GPR37L1: variants seen among roughly 807,000 people sequenced by gnomAD.
The protein encoded by GPR37L1 is G protein-coupled receptor 37 like 1.
In GPR37L1, 18 loss-of-function variants were observed where a neutral mutation model predicts 18.0. That is an observed-to-expected ratio of 1.00 (90% CI 0.69 to 1.49). The LOEUF (loss-of-function observed/expected upper bound fraction) is 1.49. GPR37L1 is among the 40% of genes most tolerant of loss of function. The pLI, the probability that GPR37L1 is intolerant of heterozygous loss-of-function variation, is 0.00. For synonymous variants in GPR37L1, 256 were observed against 273.9 expected (o/e 0.93, Z 0.65); for missense variants, 558 against 615.1 (o/e 0.91, Z 0.98).
chr1:202,124,774 G>C (rs1183069661), intron 1 of GPR37L1, among the ~76,000 whole-genome samples: 1 of 152,160 alleles, frequency 6.6e-6, no homozygotes, highest in Non-Finnish European at 1.5e-5. Context: ...GTCATAGTTG[G>C]ACAGACTCCC....
Position 202,130,559 on chromosome 1 carries a change from C to A in GPR37L1, c.*2003C>A, listed in dbSNP as rs932662752. ...GTTGCTAGGTGATGGCGCCGCCATG[C>A]ACACACCCTTTGTGCTGGGGAGTGA... On this transcript the variant is annotated 3_prime_UTR_variant, in exon 2 of 2. Coordinates refer to ENST00000367282, the MANE Select transcript of GPR37L1 (RefSeq NM_004767.5). 6.6e-6 allele frequency: 1 copy of A among 152,320 alleles called. No individual in the cohort carries two copies. The highest frequency in any genetic ancestry group is 1.5e-5 in the Non-Finnish European group (1 of 68,128). The allele number at this position is 152,320 out of a possible 1,614,324, so 9.4% of individuals were successfully genotyped here.
chr1:202,128,506 C>G lies in GPR37L1; in HGVS notation c.1396C>G (p.His466Asp). Residue 466 changes from histidine (H) to aspartate (D), a missense_variant, in exon 2 of 2, where the codon CAC (histidine) becomes GAC (aspartate). Transcript: ENST00000367282. Reference protein sequence around the residue: ...KTEVSSSIYFHKPRESPPLLP... With the variant: ...KTEVSSSIYFDKPRESPPLLP... ...CGAGGTGTCCTCTTCCATCTACTTC[C>G]ACAAGCCCAGGGAGTCACCCCCACT... 1 of 1,602,660 alleles carries G rather than the reference C, an allele frequency of 6.2e-7. No individual in the cohort carries two copies.
rs58530258 is a variant in GPR37L1 at position 202,133,036 on chromosome 1, C to A, written c.*4480C>A. On this transcript the variant is annotated 3_prime_UTR_variant, in exon 2 of 2. Transcript: ENST00000367282. ...AGGGCCTGGGAAAGAGGGGCTGAGG[C>A]CTGAACTGGGCCTAAGGAGAGTGCA... The A allele has an allele frequency of 0.015, 2,321 of 152,660 alleles. 63 individuals carry two copies. Among genetic ancestry groups the A allele is most frequent in the African/African-American group, 0.053 (2,206 of 41,552 alleles). The allele number at this position is 152,660 out of a possible 1,614,324, so 9.5% of individuals were successfully genotyped here.
intron 1 of GPR37L1, among the ~76,000 whole-genome samples, chr1:202,125,321 GA>G: frequency 1.3e-5 from 2 of 152,218 alleles, no homozygotes; most frequent in Middle Eastern, 6.8e-3. Context: ...CTAGCTGTGT[GA>G]TTTGGTAGAT....
chr1:202,126,955 A>G (rs947513223), intron 1 of GPR37L1, among the ~76,000 whole-genome samples: 1 of 152,170 alleles, frequency 6.6e-6, no homozygotes, highest in Non-Finnish European at 1.5e-5. Context: ...GCAAAGATCC[A>G]GAACTTCTAT....
At position 202,132,182 on chromosome 1, in the gene GPR37L1, A is replaced by G. The variant is rs1321002917; in HGVS notation, c.*3626A>G. The G allele has an allele frequency of 6.6e-6, 1 of 152,222 alleles. No homozygotes were observed. Among genetic ancestry groups the G allele is most frequent in the Non-Finnish European group, 1.5e-5 (1 of 68,040 alleles). 9.4% of individuals were successfully genotyped at this position (152,222 alleles called of 1,614,324 possible). A position where few individuals can be genotyped will look rare whatever the true frequency, so the allele number is the denominator to read the frequency against. On this transcript the variant is annotated 3_prime_UTR_variant, in exon 2 of 2. Transcript: ENST00000367282. ...ATCTGAGAAAGGCACCTTGGCCTGG[A>G]AACAGCCCCAGATGAGTGAGATTGC...
intron 1 of GPR37L1, 31 bp from the exon 2 acceptor site, chr1:202,127,710 G>T (rs746181560): frequency 1.4e-6 from 2 of 1,464,274 alleles, no homozygotes; most frequent in Non-Finnish European, 1.9e-6. Context: ...TTGACCAAGT[G>T]CTTCTCTCTT....
In GPR37L1 at chr1:202,127,838, A is replaced by G. The variant is rs1234390465; in HGVS notation, c.728A>G (p.Glu243Gly). The G allele has an allele frequency of 1.2e-6, 2 of 1,613,786 alleles. No individual in the cohort carries two copies. Among genetic ancestry groups the G allele is most frequent in the East Asian group, 2.2e-5 (1 of 44,844 alleles). The change falls in exon 2 of 2, where the codon GAG becomes GGG. Residue 243 changes from glutamate (E) to glycine (G), a missense_variant. Transcript: ENST00000367282. ...TSTLPKVRPI[E>G]RCQSILAKLA... ...ACCCTGCCCAAGGTGAGGCCCATCG[A>G]GCGGTGCCAATCCATCCTGGCCAAG...
In GPR37L1 at chr1:202,122,926, T is replaced by C; in HGVS notation, c.-38T>C. On this transcript the variant is annotated 5_prime_UTR_variant, in exon 1 of 2. Coordinates refer to ENST00000367282, the MANE Select transcript of GPR37L1 (RefSeq NM_004767.5). ...AGCTCTTGGGCCCCCTGCACTCACC[T>C]GCTCTTCCTGGGCTGGCTGTCTCCT... 1 of 1,609,352 alleles carries C rather than the reference T, an allele frequency of 6.2e-7. No individual in the cohort carries two copies. The highest frequency in any genetic ancestry group is 8.5e-7 in the Non-Finnish European group (1 of 1,178,954).
At position 202,123,573 on chromosome 1, in the gene GPR37L1, C is replaced by T. The variant is rs373102358; in HGVS notation, c.610C>T (p.Arg204Cys). 1.4e-5 allele frequency: 23 copies of T among 1,592,054 alleles called. No homozygotes were observed. The highest frequency in any genetic ancestry group is 1.7e-4 in the Middle Eastern group (1 of 5,982). The change falls in exon 1 of 2, where the codon CGT becomes TGT. Residue 204 changes from arginine (R) to cysteine (C), a missense_variant. Physicochemically the swap from Arg to Cys is radical, Grantham distance 180. Transcript: ENST00000367282. ...GAGGCTACTGGGTGACGTTTCTTGT[C>T]GTGCCGTGCCCTTCATGGAGGTGAG... The part of the protein sequence containing the change: ...KQRLLGDVSC[R>C]AVPFMEVSSL...
At chr1:202,127,480 A>AT (rs1191345933) in intron 1 of GPR37L1, among the ~76,000 whole-genome samples, 3 of 151,826 alleles carry the variant, frequency 2.0e-5, no homozygotes, top group Admixed American at 6.6e-5. Context: ...ACGACAGGCT[A>AT]TTTTTTTGTA....
intron 1 of GPR37L1, among the ~76,000 whole-genome samples, chr1:202,124,801 G>T (rs1175749239): frequency 6.6e-6 from 1 of 152,166 alleles, no homozygotes; most frequent in East Asian, 1.9e-4. Flanking sequence ...TCAGCAGTGG[G>T]TACAGTCCTT....
Position 202,127,745 on chromosome 1 carries a change from C to G in GPR37L1, c.635C>G (p.Ser212Cys), listed in dbSNP as rs1287757644. The stretch of plus-strand genomic sequence containing the variant: ...TCCCTCACATCCTGCCCACAGGTCT[C>G]CTCTCTGGGAGTCACGACTTTCAGC... The part of the protein sequence containing the change: ...SCRAVPFMEV[S>C]SLGVTTFSLC... The change falls in exon 2 of 2, where the codon TCC becomes TGC. Residue 212 changes from serine (S) to cysteine (C), a missense_variant. By Grantham distance (112) the Ser-to-Cys change is moderately radical (BLOSUM62 -1). Coordinates refer to ENST00000367282, the MANE Select transcript of GPR37L1 (RefSeq NM_004767.5). 6 of 1,560,690 alleles carry G rather than the reference C, an allele frequency of 3.8e-6. No individual in the cohort carries two copies. The South Asian group carries it at 6.1e-5, about 16-fold the overall frequency.
chr1:202,127,136 T>C (rs1345037465), intron 1 of GPR37L1, among the ~76,000 whole-genome samples: 1 of 152,200 alleles, frequency 6.6e-6, no homozygotes, highest in Non-Finnish European at 1.5e-5. Context: ...AGTGTGGTCC[T>C]GGGCAATTCA....
chr1:202,128,228 T>A lies in GPR37L1; in HGVS notation c.1118T>A (p.Leu373His). 1 of 1,613,862 alleles carries A rather than the reference T, an allele frequency of 6.2e-7. No individual in the cohort carries two copies. The highest frequency in any genetic ancestry group is 8.5e-7 in the Non-Finnish European group (1 of 1,179,998). ...ACCGTGGTCTACGCCTTCTGCACCC[T>A]CCCAGAGAACGTCTGCAACATCGTG... ...GLTVVYAFCT[L>H]PENVCNIVVA... Residue 373 changes from leucine (L) to histidine (H), a missense_variant, in exon 2 of 2, where the codon CTC becomes CAC. Transcript: ENST00000367282.
intron 1 of GPR37L1, among the ~76,000 whole-genome samples, chr1:202,124,473 A>G (rs1036531619): frequency 1.3e-5 from 2 of 152,246 alleles, no homozygotes; most frequent in Non-Finnish European, 2.9e-5. Flanking sequence ...TAGAGCATAG[A>G]GAGACAACTT....
In GPR37L1 at chr1:202,123,203, G is replaced by C; in HGVS notation, c.240G>C (p.Lys80Asn). 1 of 1,613,742 alleles carries C rather than the reference G, an allele frequency of 6.2e-7. No homozygotes were observed. The highest frequency in any genetic ancestry group is 8.5e-7 in the Non-Finnish European group (1 of 1,179,902). ...ACCCTGCTGGCCTGCAGCCAACCAA[G>C]CCCTTGGTGGCCACCAGCCCTAACC... is the stretch of plus-strand genomic sequence containing the variant. Reference protein sequence around the residue: ...PIHPAGLQPTKPLVATSPNPG... With the variant: ...PIHPAGLQPTNPLVATSPNPG... The change falls in exon 1 of 2, where the codon AAG becomes AAC. Residue 80 changes from lysine to asparagine, a missense_variant. Lys to Asn is a moderately conservative substitution (Grantham distance 94). Transcript: ENST00000367282.
In GPR37L1 at chr1:202,132,570, T is replaced by A. The variant is rs1279343600; in HGVS notation, c.*4014T>A. ...GACTAAGGGACAGTTTGGCTCCTTT[T>A]TCCTGCAGTGGGAGGGGTGAGAAGG... On this transcript the variant is annotated 3_prime_UTR_variant, in exon 2 of 2. Coordinates refer to ENST00000367282, the MANE Select transcript of GPR37L1 (RefSeq NM_004767.5). 6.6e-6 allele frequency: 1 copy of A among 152,350 alleles called. No individual in the cohort carries two copies. The highest frequency in any genetic ancestry group is 1.5e-5 in the Non-Finnish European group (1 of 68,212). The allele number at this position is 152,350 out of a possible 1,614,324, so 9.4% of individuals were successfully genotyped here.
At chr1:202,126,407 A>G (rs112194020) in intron 1 of GPR37L1, among the ~76,000 whole-genome samples, 2 of 149,136 alleles carry the variant, frequency 1.3e-5, no homozygotes, top group African/African-American at 4.9e-5. Context: ...GACTCTCGGA[A>G]AAAAAAAAAA....
Sources: gnomAD v4.1 joint callset for allele counts (sites outside exome capture counted in the v4.1 genomes callset) on GRCh38, gnomAD v4.1.1 for gene constraint, MANE v1.5 for transcripts, NCBI Gene and HGNC (gene_info 2026-07-23, HGNC 2026-07-21) for gene names.